Variants in SLC8A3 observed in about 807,000 individuals in gnomAD.
SLC8A3 encodes the protein solute carrier family 8 member A3.
Under a neutral mutation model 65.4 loss-of-function variants are expected in SLC8A3, and 37 were observed. That is an observed-to-expected ratio of 0.57 (90% CI 0.44 to 0.74). The LOEUF is 0.74. Among genes scored for constraint, SLC8A3 ranks in the 30% least tolerant of loss-of-function variants. The pLI is 0.00. For missense variants in SLC8A3, 1,112 were observed against 1,172.1 expected (o/e 0.95, Z 0.75); for synonymous variants, 461 against 444.5 (o/e 1.04, Z -0.47).
At chr14:70,071,206 G>C (rs1391311196) in intron 2 of SLC8A3, among the ~76,000 whole-genome samples, 1 of 152,162 alleles carries the variant, frequency 6.6e-6, no homozygotes, top group Non-Finnish European at 1.5e-5. Context: ...TGGGTGAGTG[G>C]GGAGGCAGAG....
At position 70,051,060 on chromosome 14, in the gene SLC8A3, C is replaced by T. The variant is rs1162644989; in HGVS notation, c.2061G>A (p.Val687=). The T allele has an allele frequency of 5.0e-6, 8 of 1,613,670 alleles. No individual in the cohort carries two copies. The highest frequency in any genetic ancestry group is 6.8e-6 in the Non-Finnish European group (8 of 1,179,730). The change falls in exon 5 of 7, where the codon GTG becomes GTA. Residue 687 remains valine (V), a synonymous_variant. Transcript: ENST00000356921. ...ACTGGTCCCTCCAGGAATGGGTCCC[C>T]ACAACCAAGGCCAGGTTTGTCTTCT... ...LIKKTNLALV[V]GTHSWRDQFM...
At chr14:70,086,139 A>G (rs1233437496) in intron 2 of SLC8A3, among the ~76,000 whole-genome samples, 1 of 152,196 alleles carries the variant, frequency 6.6e-6, no homozygotes, top group Non-Finnish European at 1.5e-5. Context: ...TTTATGTGCC[A>G]CATACTATGC....
chr14:70,057,541 C>A (rs74794955), intron 3 of SLC8A3, among the ~76,000 whole-genome samples: 155 of 152,296 alleles, frequency 1.0e-3, no homozygotes, highest in African/African-American at 3.5e-3. Context: ...AGTGAGAAGG[C>A]CTGCAGTTGG....
intron 2 of SLC8A3, among the ~76,000 whole-genome samples, chr14:70,102,177 A>G (rs1892592112): frequency 6.6e-6 from 1 of 152,214 alleles, no homozygotes; most frequent in South Asian, 2.1e-4. Context: ...GTTCCTGCTC[A>G]GGTGAGAACT....
chr14:70,151,486 ACTC>A (rs1896276103), intron 2 of SLC8A3, among the ~76,000 whole-genome samples: 1 of 147,658 alleles, frequency 6.8e-6, no homozygotes, highest in Non-Finnish European at 1.5e-5. Context: ...GCTCTGGCCT[ACTC>A]CTGCCTTGAG....
intron 2 of SLC8A3, among the ~76,000 whole-genome samples, chr14:70,086,401 C>CTTTTTTTTTTTTTTTTTTTTTTTTTT (rs10605312): frequency 3.4e-5 from 4 of 116,148 alleles, no homozygotes; most frequent in Non-Finnish European, 3.6e-5. Flanking sequence ...TTTCTTTTTT[C>CTTTTTTTTTTTTTTTTTTTTTTTTTT]TTTTTTTTTT....
intron 2 of SLC8A3, among the ~76,000 whole-genome samples, chr14:70,122,293 G>C (rs1197055311): frequency 6.6e-6 from 1 of 151,868 alleles, no homozygotes; most frequent in African/African-American, 2.4e-5. Flanking sequence ...TTTTTCTTTT[G>C]CTCTTTTTCA....
intron 2 of SLC8A3, among the ~76,000 whole-genome samples, chr14:70,163,421 T>C (rs1896991973): frequency 6.6e-6 from 1 of 152,218 alleles, no homozygotes; most frequent in Non-Finnish European, 1.5e-5. Context: ...ATATTATTGA[T>C]AGAGCACAGG....
At chr14:70,144,331 T>TAAAA (rs1164198147) in intron 2 of SLC8A3, among the ~76,000 whole-genome samples, 1 of 66,920 alleles carries the variant, frequency 1.5e-5, no homozygotes, top group African/African-American at 6.9e-5. Flanking sequence ...TTTTTTTTTT[T>TAAAA]AAAAAAAAAA....
At chr14:70,061,369 C>T (rs1888779695) in intron 2 of SLC8A3, among the ~76,000 whole-genome samples, 1 of 152,120 alleles carries the variant, frequency 6.6e-6, no homozygotes. Context: ...AACTACTAAC[C>T]CACTGGGAAT....
At position 70,139,282 on chromosome 14, in the gene SLC8A3, C is replaced by T. The variant is rs545281949; in HGVS notation, c.1784+27357G>A. Among the ~76,000 whole-genome samples the T allele has an allele frequency of 3.9e-5, 6 of 152,264 alleles. 1 individual carries two copies. In the South Asian group the frequency reaches 6.2e-4, roughly 16 times the overall value. The stretch of plus-strand genomic sequence containing the variant: ...AGGAGAGAAGTGCCCCCTCTTACCC[C>T]GGCAAAGCCAAGTGAAGGGGTGCCA... On this transcript the variant is annotated intron_variant, in intron 2 of 6. Coordinates refer to ENST00000356921, the MANE Select transcript of SLC8A3 (RefSeq NM_182932.3).
At chr14:70,058,688 T>C (rs1252442471) in intron 3 of SLC8A3, among the ~76,000 whole-genome samples, 2 of 152,256 alleles carry the variant, frequency 1.3e-5, no homozygotes, top group Non-Finnish European at 2.9e-5. Flanking sequence ...GGTCACTCTC[T>C]GTCCTGCTGT....
chr14:70,085,331 A>C (rs1891354179), intron 2 of SLC8A3, among the ~76,000 whole-genome samples: 1 of 152,214 alleles, frequency 6.6e-6, no homozygotes, highest in Admixed American at 6.5e-5. Flanking sequence ...TACTAAAAAA[A>C]CACATACAAT....
intron 2 of SLC8A3, among the ~76,000 whole-genome samples, chr14:70,097,383 G>A (rs1012362839): frequency 2.2e-4 from 34 of 151,932 alleles, no homozygotes; most frequent in African/African-American, 8.0e-4. Context: ...TACTATAAAT[G>A]GTTCTGTGTA....
intron 2 of SLC8A3, among the ~76,000 whole-genome samples, chr14:70,142,192 T>C (rs1393054676): frequency 6.6e-6 from 1 of 152,224 alleles, no homozygotes; most frequent in East Asian, 1.9e-4. Context: ...AACCAATTCA[T>C]GTTACTGCAA....
intron 2 of SLC8A3, among the ~76,000 whole-genome samples, chr14:70,116,922 G>A (rs1222463087): frequency 2.6e-5 from 4 of 152,252 alleles, no homozygotes; most frequent in Non-Finnish European, 5.9e-5. Context: ...CAACATCTGA[G>A]TGTGATTCTC....
At chr14:70,140,474 C>G (rs915792250) in intron 2 of SLC8A3, among the ~76,000 whole-genome samples, 1 of 152,230 alleles carries the variant, frequency 6.6e-6, no homozygotes, top group Non-Finnish European at 1.5e-5. Context: ...TCCCCTTCCT[C>G]TCTGCATTAA....
chr14:70,146,684 T>G (rs1445097134), intron 2 of SLC8A3, among the ~76,000 whole-genome samples: 1 of 152,248 alleles, frequency 6.6e-6, no homozygotes. Flanking sequence ...CTCTGCCTTC[T>G]CCTTCCAGCT....
At chr14:70,111,622 A>G (rs1027353350) in intron 2 of SLC8A3, among the ~76,000 whole-genome samples, 7 of 152,342 alleles carry the variant, frequency 4.6e-5, no homozygotes, top group South Asian at 2.1e-4. Flanking sequence ...GAGTTTGAAG[A>G]CAGTGACATA....
Sources: gnomAD v4.1 joint callset for allele counts (sites outside exome capture counted in the v4.1 genomes callset) on GRCh38, gnomAD v4.1.1 for gene constraint, MANE v1.5 for transcripts, NCBI Gene and HGNC (gene_info 2026-07-23, HGNC 2026-07-21) for gene names.